The following SLC16A2 variants were observed in gnomAD, a reference collection of about 807,000 sequenced individuals.
SLC16A2 encodes solute carrier family 16 member 2, also known as monocarboxylate transporter 8.
SLC16A2 carries 3 observed loss-of-function variants against 27.2 expected under a neutral mutation model. The ratio of observed to expected loss-of-function variants is 0.11; its 90% CI spans 0.05 to 0.28. SLC16A2 has a LOEUF of 0.28. Among genes scored for constraint, SLC16A2 ranks in the 10% least tolerant of loss-of-function variants. The pLI is 1.00. For synonymous variants in SLC16A2, 202 were observed against 187.8 expected, an observed-to-expected ratio of 1.08 and a Z score of -0.62; for missense variants, 295 against 458.5, an observed-to-expected ratio of 0.64 and a Z score of 3.26.
chrX:74,531,804 G>A lies in SLC16A2; in HGVS notation c.*251G>A. 2.3e-6 allele frequency: 1 copy of A among 430,089 alleles called. No individual in the cohort carries two copies. The allele number at this position is 430,089 out of a possible 1,213,427, so 35.4% of individuals were successfully genotyped here. ...CTGGGAAAGCTTGGGAACCACCCCT[G>A]GCCTTTGGAACCTCTCCATATACTT... is the stretch of plus-strand genomic sequence containing the variant. On this transcript the variant is annotated 3_prime_UTR_variant, in exon 6 of 6. Transcript: ENST00000587091.
chrX:74,436,462 C>T (rs1928633757), intron 1 of SLC16A2, among the ~76,000 whole-genome samples: 1 of 111,701 alleles, frequency 9.0e-6, no homozygotes, highest in African/African-American at 3.3e-5. Context: ...CCTGGCTCCA[C>T]CATTCACTAG....
At chrX:74,463,533 T>A (rs1450556080) in intron 1 of SLC16A2, among the ~76,000 whole-genome samples, 5 of 105,568 alleles carry the variant, frequency 4.7e-5, no homozygotes, top group Non-Finnish European at 7.9e-5. Flanking sequence ...ATTTGGTCAA[T>A]TTTTTTTTTT....
intron 1 of SLC16A2, among the ~76,000 whole-genome samples, chrX:74,469,489 A>G (rs1929311957): frequency 9.0e-6 from 1 of 111,350 alleles, no homozygotes; most frequent in East Asian, 2.8e-4. Context: ...ACCAACACTT[A>G]TTTTTTGTAT....
Position 74,516,082 on chromosome X carries a change from G to A in SLC16A2, c.431-4908G>A, listed in dbSNP as rs1286381140. Among the ~76,000 whole-genome samples the A allele has an allele frequency of 2.5e-4, 27 of 110,165 alleles. No homozygotes were observed. In the Admixed American group the frequency reaches 2.6e-3, roughly 11 times the overall value. On this transcript the variant is annotated intron_variant, in intron 1 of 5. Transcript: ENST00000587091. ...TTTTTCTTTCTTTTTTTTGGAGAGA[G>A]GCTCTCACTGTGTCACCCAGGCTGG...
intron 1 of SLC16A2, among the ~76,000 whole-genome samples, chrX:74,469,108 A>G (rs1182137498): frequency 8.9e-6 from 1 of 112,170 alleles, no homozygotes; most frequent in African/African-American, 3.2e-5. Context: ...TACACTTAAT[A>G]TAATGACTTT....
At chrX:74,519,913 G>GT (rs1397190185) in intron 1 of SLC16A2, among the ~76,000 whole-genome samples, 1 of 110,797 alleles carries the variant, frequency 9.0e-6, no homozygotes, top group African/African-American at 3.3e-5. Flanking sequence ...GTGATAAAAA[G>GT]TTAAGGTCTC....
chrX:74,434,990 A>AT (rs1281834188), intron 1 of SLC16A2, among the ~76,000 whole-genome samples: 4 of 90,584 alleles, frequency 4.4e-5, no homozygotes, highest in Non-Finnish European at 8.5e-5. Flanking sequence ...TGCCCAGCTA[A>AT]TTTTTGTATT....
chrX:74,444,369 A>C (rs891772579), intron 1 of SLC16A2, among the ~76,000 whole-genome samples: 5 of 106,762 alleles, frequency 4.7e-5, no homozygotes, highest in Non-Finnish European at 9.6e-5. Flanking sequence ...TTCTACCACT[A>C]TCTGCAAATT....
chrX:74,432,296 C>A (rs1460136396), intron 1 of SLC16A2, among the ~76,000 whole-genome samples: 1 of 111,213 alleles, frequency 9.0e-6, no homozygotes, highest in Admixed American at 9.5e-5. Flanking sequence ...ATAGAAGGAG[C>A]TTTGCTCCTT....
At chrX:74,494,884 T>C (rs1479957033) in intron 1 of SLC16A2, among the ~76,000 whole-genome samples, 3 of 111,218 alleles carry the variant, frequency 2.7e-5, no homozygotes, top group Non-Finnish European at 3.8e-5. Flanking sequence ...CCCTACCTGC[T>C]CTACCTCCAG....
intron 1 of SLC16A2, among the ~76,000 whole-genome samples, chrX:74,446,494 G>C (rs972174856): frequency 9.0e-6 from 1 of 111,363 alleles, no homozygotes; most frequent in Admixed American, 9.6e-5. Flanking sequence ...GGTGGCACAC[G>C]CCTGTAGTTC....
intron 1 of SLC16A2, among the ~76,000 whole-genome samples, chrX:74,491,363 G>C (rs750463616): frequency 8.9e-6 from 1 of 112,088 alleles, no homozygotes; most frequent in African/African-American, 3.2e-5. Context: ...AAATTTCCTG[G>C]TTGGCAATTG....
intron 1 of SLC16A2, among the ~76,000 whole-genome samples, chrX:74,507,226 G>C (rs1930151224): frequency 9.0e-6 from 1 of 110,936 alleles, no homozygotes; most frequent in Admixed American, 9.7e-5. Flanking sequence ...AAAGTGTTAG[G>C]ATTACAGGCA....
In SLC16A2 at chrX:74,445,322, T is replaced by C. The variant is rs754278830; in HGVS notation, c.430+23255T>C. ...AAATAAAACCAGGCAGCAAGCCTAATAAAAATTAAGCAATGGATCAAAAAG... is the reference window on the plus strand; with the variant it reads ...AAATAAAACCAGGCAGCAAGCCTAACAAAAATTAAGCAATGGATCAAAAAG... On this transcript the variant is annotated intron_variant, in intron 1 of 5. Transcript: ENST00000587091. Among the ~76,000 whole-genome samples, 9 of 110,897 alleles carry C rather than the reference T, an allele frequency of 8.1e-5. No homozygotes were observed. The Admixed American group carries it at 8.6e-4, about 11-fold the overall frequency.
intron 1 of SLC16A2, among the ~76,000 whole-genome samples, chrX:74,480,834 T>TTATAC (rs1569292344): frequency 8.9e-6 from 1 of 112,375 alleles, no homozygotes; most frequent in Non-Finnish European, 1.9e-5. Context: ...GGAAGCAGTC[T>TTATAC]TTCAGCAATA....
chrX:74,466,842 A>G (rs1318578805), intron 1 of SLC16A2, among the ~76,000 whole-genome samples: 3 of 112,507 alleles, frequency 2.7e-5, no homozygotes, highest in African/African-American at 9.7e-5. Flanking sequence ...CTAGAAGCCC[A>G]TGTCTTTGTC....
At chrX:74,452,171 A>G (rs944566518) in intron 1 of SLC16A2, among the ~76,000 whole-genome samples, 2 of 112,181 alleles carry the variant, frequency 1.8e-5, no homozygotes, top group African/African-American at 6.5e-5. Context: ...AGTTTCCACC[A>G]CACTTCCAAT....
intron 1 of SLC16A2, among the ~76,000 whole-genome samples, chrX:74,431,987 C>A (rs1377604668): frequency 2.7e-5 from 3 of 111,719 alleles, no homozygotes; most frequent in African/African-American, 9.8e-5. Context: ...TTTCTTTGTT[C>A]CTCAGTTCTC....
At chrX:74,450,611 A>C (rs987155453) in intron 1 of SLC16A2, among the ~76,000 whole-genome samples, 17 of 112,091 alleles carry the variant, frequency 1.5e-4, no homozygotes, top group Non-Finnish European at 2.4e-4. Flanking sequence ...AGGGAAAAGA[A>C]TATAACTTGG....
Sources: allele counts gnomAD v4.1 joint callset (sites outside exome capture counted in the v4.1 genomes callset), GRCh38; gene constraint gnomAD v4.1.1; transcripts MANE v1.5; gene names NCBI Gene and HGNC (gene_info 2026-07-23, HGNC 2026-07-21).